Variants in GRB2 observed in about 807,000 individuals in gnomAD.
GRB2 encodes growth factor receptor-bound protein 2.
GRB2 carries 2 observed loss-of-function variants against 27.4 expected under a neutral mutation model. The ratio of observed to expected loss-of-function variants is 0.07; its 90% CI spans 0.03 to 0.23. The LOEUF (loss-of-function observed/expected upper bound fraction) is 0.23, where lower values mean the gene tolerates loss of function less well. Among genes scored for constraint, GRB2 ranks in the 10% least tolerant of loss-of-function variants. The pLI, the probability that GRB2 is intolerant of heterozygous loss-of-function variation, is 1.00. For missense variants in GRB2, 102 were observed against 282.4 expected (o/e 0.36, Z 4.58); for synonymous variants, 94 against 99.6 (o/e 0.94, Z 0.33).
chr17:75,402,127 T>G (rs979033895), intron 1 of GRB2, among the ~76,000 whole-genome samples: 1 of 152,158 alleles, frequency 6.6e-6, no homozygotes, highest in African/African-American at 2.4e-5. Context: ...TTAAGCAAAA[T>G]CATCTAACAC....
chr17:75,362,340 CTGTT>C (rs2078788397), intron 2 of GRB2, among the ~76,000 whole-genome samples: 1 of 152,170 alleles, frequency 6.6e-6, no homozygotes, highest in Non-Finnish European at 1.5e-5. Context: ...ATGTACTGTA[CTGTT>C]TATCTGTGCT....
intron 3 of GRB2, among the ~76,000 whole-genome samples, chr17:75,328,318 T>C (rs964902811): frequency 1.8e-4 from 26 of 145,192 alleles, no homozygotes; most frequent in African/African-American, 6.8e-4. Context: ...AGTGAGACTC[T>C]GTCTCAAAAA....
chr17:75,399,362 CTTTTCT>C (rs2079048804), intron 1 of GRB2, among the ~76,000 whole-genome samples: 1 of 122,890 alleles, frequency 8.1e-6, no homozygotes. Context: ...CCTTGACAAT[CTTTTCT>C]TTTTTTTTTT....
Position 75,402,306 on chromosome 17 carries a change from C to A in GRB2, c.-138+3183G>T, listed in dbSNP as rs556764281. Among the ~76,000 whole-genome samples, 3 of 152,250 alleles carry A rather than the reference C, an allele frequency of 2.0e-5. 1 individual carries two copies. Among genetic ancestry groups the A allele is most frequent in the African/African-American group, 7.2e-5 (3 of 41,542 alleles). On this transcript the variant is annotated intron_variant, in intron 1 of 5. Transcript: ENST00000316804. ...AAAATCTTTCGTCTGAGTCTACAGA[C>A]TCAGAAGAATTCTCTGGTAGGCAAA...
intron 1 of GRB2, chr17:75,394,323 C>T (rs1377716788): frequency 1.3e-5 from 2 of 152,314 alleles, no homozygotes; most frequent in African/African-American, 4.8e-5. Context: ...GATCTGCTCC[C>T]AGGAGAGCAG....
At chr17:75,337,761 G>A (rs184351134) in intron 2 of GRB2, among the ~76,000 whole-genome samples, 2 of 150,378 alleles carry the variant, frequency 1.3e-5, no homozygotes, top group African/African-American at 2.4e-5. Flanking sequence ...TAGTAGAGAC[G>A]GGTTTCACTG....
At position 75,320,156 on chromosome 17, in the gene GRB2, CTCT is replaced by C. The variant is rs528060879; in HGVS notation, c.*209_*211del. 3.2e-4 allele frequency: 157 copies of C among 492,036 alleles called. 1 individual carries two copies. Among genetic ancestry groups the C allele is most frequent in the African/African-American group, 2.8e-3 (148 of 52,140 alleles). The allele number at this position is 492,036 out of a possible 1,614,324, so 30.5% of individuals were successfully genotyped here. ...CAGCAGTGAAAATTTGTAATAAAAA[CTCT>C]TCTTAATTTATAGGTAAGTTTTGGC... On this transcript the variant is annotated 3_prime_UTR_variant, in exon 6 of 6. Transcript: ENST00000316804. This position sits in a 1 kb window ranked among gnomAD's most constrained non-coding sequence, Gnocchi z 4.3.
chr17:75,369,760 C>T (rs2078843858), intron 2 of GRB2, among the ~76,000 whole-genome samples: 2 of 150,240 alleles, frequency 1.3e-5, no homozygotes, highest in South Asian at 2.1e-4. Flanking sequence ...CTCAGGAGGC[C>T]GAGACAGGAT....
intron 2 of GRB2, among the ~76,000 whole-genome samples, chr17:75,375,841 C>A (rs542455545): frequency 2.0e-5 from 3 of 151,606 alleles, no homozygotes; most frequent in East Asian, 1.9e-4. Flanking sequence ...CTGGCTAACA[C>A]GGTGAAACCC....
At chr17:75,352,942 T>C (rs2078702237) in intron 2 of GRB2, among the ~76,000 whole-genome samples, 2 of 151,706 alleles carry the variant, frequency 1.3e-5, no homozygotes, top group East Asian at 1.9e-4. Context: ...TCCCAGCACT[T>C]TGGGAGGCCG....
At chr17:75,352,274 T>G (rs2078697321) in intron 2 of GRB2, among the ~76,000 whole-genome samples, 1 of 152,132 alleles carries the variant, frequency 6.6e-6, no homozygotes. Context: ...TCAGCCTTGC[T>G]CCGCCTCTAG....
intron 2 of GRB2, among the ~76,000 whole-genome samples, chr17:75,349,508 C>T (rs1371001207): frequency 3.5e-5 from 4 of 115,900 alleles, no homozygotes; most frequent in South Asian, 2.9e-4. Context: ...ATAACTCAGA[C>T]TTTTTTTTTT....
chr17:75,358,700 TAAAAAAAAAAAAAAA>T, intron 2 of GRB2, among the ~76,000 whole-genome samples: 1 of 66,298 alleles, frequency 1.5e-5, no homozygotes, highest in Admixed American at 2.5e-4. Context: ...CCATCTCTAC[TAAAAAAAAAAAAAAA>T]AAAAAAAAAA....
chr17:75,341,882 C>T (rs1183149500), intron 2 of GRB2, among the ~76,000 whole-genome samples: 2 of 152,108 alleles, frequency 1.3e-5, no homozygotes, highest in South Asian at 2.1e-4. Context: ...GTTAAAAAGC[C>T]GTAAGTATCC....
chr17:75,338,809 C>A (rs1457522484), intron 2 of GRB2: 2 of 746,604 alleles, frequency 2.7e-6, no homozygotes, highest in Non-Finnish European at 4.9e-6. Context: ...CCTTTCTGTG[C>A]TGATAGCACT....
At chr17:75,378,955 T>A (rs2078911107) in intron 2 of GRB2, among the ~76,000 whole-genome samples, 1 of 152,170 alleles carries the variant, frequency 6.6e-6, no homozygotes, top group African/African-American at 2.4e-5. Context: ...TTGAGAAAAG[T>A]CTTAATCATT....
At chr17:75,397,985 G>C (rs1219915765) in intron 1 of GRB2, among the ~76,000 whole-genome samples, 1 of 151,714 alleles carries the variant, frequency 6.6e-6, no homozygotes, top group African/African-American at 2.4e-5. Flanking sequence ...GGGACTACAG[G>C]TGCGCGCCAC....
chr17:75,370,068 T>C (rs2078846102), intron 2 of GRB2, among the ~76,000 whole-genome samples: 1 of 152,226 alleles, frequency 6.6e-6, no homozygotes, highest in African/African-American at 2.4e-5. Flanking sequence ...ATGCTCAGAC[T>C]GACTCTCGAG....
intron 2 of GRB2, among the ~76,000 whole-genome samples, chr17:75,381,041 A>G (rs1312631109): frequency 1.3e-5 from 2 of 152,240 alleles, no homozygotes; most frequent in Admixed American, 1.3e-4. Context: ...AGGACAATAC[A>G]TATATCAAAA....
Sources: allele counts gnomAD v4.1 joint callset (sites outside exome capture counted in the v4.1 genomes callset), GRCh38; gene constraint gnomAD v4.1.1; non-coding constraint Gnocchi (gnomAD v3.1); transcripts MANE v1.5; gene names NCBI Gene and HGNC (gene_info 2026-07-23, HGNC 2026-07-21).